Variants in CNTN1 observed in about 807,000 individuals in gnomAD.
CNTN1 encodes contactin-1.
CNTN1 carries 38 observed loss-of-function variants against 126.4 expected under a neutral mutation model. The ratio of observed to expected loss-of-function variants is 0.30; its 90% CI spans 0.23 to 0.39. The LOEUF (loss-of-function observed/expected upper bound fraction) is 0.39, where lower values mean the gene tolerates loss of function less well. Ranked by LOEUF, CNTN1 falls within the 10% of genes least tolerant of loss-of-function variation. The pLI, the probability that CNTN1 is intolerant of heterozygous loss-of-function variation, is 1.00. For synonymous variants in CNTN1, 413 were observed against 422.6 expected (o/e 0.98, Z 0.28); for missense variants, 1,009 against 1,248.4 (o/e 0.81, Z 2.89).
At chr12:40,951,715 T>TAAAAAAAAAAAA (rs71078286) in intron 14 of CNTN1, among the ~76,000 whole-genome samples, 2 of 110,028 alleles carry the variant, frequency 1.8e-5, no homozygotes, top group Non-Finnish European at 1.8e-5. Flanking sequence ...TCTCAAAATT[T>TAAAAAAAAAAAA]AAAAAAAAAA....
chr12:40,816,308 A>G (rs1941254054), intron 1 of CNTN1, among the ~76,000 whole-genome samples: 1 of 152,110 alleles, frequency 6.6e-6, no homozygotes, highest in Admixed American at 6.5e-5. Context: ...TAGGCTATTA[A>G]TTACTGCCTC....
chr12:40,768,892 AT>A (rs1166477679), intron 1 of CNTN1, among the ~76,000 whole-genome samples: 1 of 152,170 alleles, frequency 6.6e-6, no homozygotes, highest in Non-Finnish European at 1.5e-5. Flanking sequence ...AGGACTATTT[AT>A]TTTTATTTTA....
chr12:40,998,709 A>G (rs1446733106), intron 17 of CNTN1, among the ~76,000 whole-genome samples: 1 of 152,142 alleles, frequency 6.6e-6, no homozygotes, highest in Non-Finnish European at 1.5e-5. Context: ...AAAAGAATGT[A>G]TGTATAAATA....
At position 40,793,118 on chromosome 12, in the gene CNTN1, C is replaced by T. The variant is rs1321074486; in HGVS notation, c.-77+100526C>T. ...GATGGAAAAACTTACCACAGGCTAGCGTCTCATCTTTCTGAGGGCTGCTAC... is the reference window on the plus strand; with the variant it reads ...GATGGAAAAACTTACCACAGGCTAGTGTCTCATCTTTCTGAGGGCTGCTAC... On this transcript the variant is annotated intron_variant, in intron 1 of 23. Transcript: ENST00000551295. 3.3e-5 allele frequency among the ~76,000 whole-genome samples: 5 copies of T among 152,188 alleles called. No individual in the cohort carries two copies. In the East Asian group the frequency reaches 5.8e-4, roughly 18 times the overall value.
At chr12:40,807,131 C>T (rs542331394) in intron 1 of CNTN1, among the ~76,000 whole-genome samples, 7 of 152,012 alleles carry the variant, frequency 4.6e-5, no homozygotes, top group African/African-American at 1.7e-4. Context: ...TGGATACTTA[C>T]CTTGGGCTGG....
At chr12:40,698,776 G>A (rs1387695526) in intron 1 of CNTN1, among the ~76,000 whole-genome samples, 1 of 151,914 alleles carries the variant, frequency 6.6e-6, no homozygotes, top group African/African-American at 2.4e-5. Flanking sequence ...CTTTTGCATT[G>A]CACCTAAAGT....
At chr12:41,008,857 C>T (rs1351354139) in intron 17 of CNTN1, among the ~76,000 whole-genome samples, 1 of 152,092 alleles carries the variant, frequency 6.6e-6, no homozygotes, top group Non-Finnish European at 1.5e-5. Context: ...TTCTTTGCAC[C>T]AAACGGTAGC....
intron 23 of CNTN1, among the ~76,000 whole-genome samples, chr12:41,039,887 G>A (rs1008426240): frequency 6.6e-6 from 1 of 152,060 alleles, no homozygotes; most frequent in Admixed American, 6.6e-5. Flanking sequence ...ATGAATATTA[G>A]AATATTTTCA....
chr12:40,929,227 C>T (rs1294695292), intron 6 of CNTN1, among the ~76,000 whole-genome samples: 1 of 151,792 alleles, frequency 6.6e-6, no homozygotes, highest in Non-Finnish European at 1.5e-5. Flanking sequence ...GATACATCTC[C>T]TAATATTTAA....
chr12:40,875,214 A>G (rs1217261904), intron 1 of CNTN1, among the ~76,000 whole-genome samples: 1 of 152,140 alleles, frequency 6.6e-6, no homozygotes, highest in Non-Finnish European at 1.5e-5. Flanking sequence ...TCTTGTTCTG[A>G]GATAATTGTA....
chr12:40,738,501 T>C (rs1034625420), intron 1 of CNTN1, among the ~76,000 whole-genome samples: 2 of 152,098 alleles, frequency 1.3e-5, no homozygotes, highest in South Asian at 2.1e-4. Context: ...ATTAAAAATG[T>C]AAAGCTTCAT....
At chr12:40,823,677 T>A (rs1395181077) in intron 1 of CNTN1, among the ~76,000 whole-genome samples, 1 of 152,186 alleles carries the variant, frequency 6.6e-6, no homozygotes, top group Non-Finnish European at 1.5e-5. Context: ...TTTTCCATCT[T>A]CTTTTCACTT....
rs773215644 is a variant in CNTN1 at position 40,737,357 on chromosome 12, G to GTATATATATATATATATATATA, written c.-77+44766_-77+44767insATATATATATATATATATATAT. ...TGTGTGTGTGTGTATATATGTGTGT[G>GTATATATATATATATATATATA]TGTATATATATATATATATATATAT... On this transcript the variant is annotated intron_variant, in intron 1 of 23. Transcript: ENST00000551295. Among the ~76,000 whole-genome samples the GTATATATATATATATATATATA allele has an allele frequency of 4.4e-4, 46 of 105,070 alleles. 1 individual carries two copies. Among genetic ancestry groups the GTATATATATATATATATATATA allele is most frequent in the Non-Finnish European group, 6.6e-4 (35 of 52,846 alleles). The allele number at this position is 105,070 out of a possible 152,430, so 68.9% of individuals were successfully genotyped here.
At chr12:40,985,343 C>CT (rs1290937609) in intron 16 of CNTN1, among the ~76,000 whole-genome samples, 9 of 151,814 alleles carry the variant, frequency 5.9e-5, no homozygotes, top group Admixed American at 2.6e-4. Context: ...CTGTAAAACT[C>CT]TTTTTTTATC....
intron 14 of CNTN1, among the ~76,000 whole-genome samples, chr12:40,953,835 C>A (rs575834755): frequency 2.0e-5 from 3 of 151,988 alleles, no homozygotes; most frequent in Non-Finnish European, 2.9e-5. Context: ...AATGTATAAA[C>A]AGCACCATGT....
intron 1 of CNTN1, among the ~76,000 whole-genome samples, chr12:40,869,723 G>A (rs1317098903): frequency 6.6e-6 from 1 of 152,018 alleles, no homozygotes; most frequent in Admixed American, 6.6e-5. Context: ...TTCATATCAT[G>A]TTGCTTTCAT....
intron 1 of CNTN1, among the ~76,000 whole-genome samples, chr12:40,720,433 TAC>T (rs200283958): frequency 0.016 from 2,356 of 151,998 alleles, 58 homozygotes; most frequent in African/African-American, 0.055. Context: ...TGTGTATGTG[TAC>T]ACACACACGA....
chr12:40,876,553 T>TCTC (rs1326685287), intron 1 of CNTN1, among the ~76,000 whole-genome samples: 2 of 152,132 alleles, frequency 1.3e-5, no homozygotes, highest in African/African-American at 4.8e-5. Context: ...CAGATATTTT[T>TCTC]AGGATACTAG....
intron 1 of CNTN1, chr12:40,729,113 A>G (rs1942431288): frequency 5.1e-6 from 1 of 196,242 alleles, no homozygotes; most frequent in African/African-American, 2.3e-5. Flanking sequence ...ATAGGCAAAG[A>G]TGATTTTACT....
Sources: allele counts gnomAD v4.1 joint callset (sites outside exome capture counted in the v4.1 genomes callset), GRCh38; gene constraint gnomAD v4.1.1; transcripts MANE v1.5; gene names NCBI Gene and HGNC (gene_info 2026-07-23, HGNC 2026-07-21).